ISOC1: variants seen among roughly 807,000 people sequenced by gnomAD.
The protein encoded by ISOC1 is isochorismatase domain-containing protein 1.
A neutral mutation model predicts 30.0 loss-of-function variants in ISOC1; 33 were observed. The observed-to-expected ratio is 1.10, with a 90% confidence interval of 0.83 to 1.47. ISOC1 has a LOEUF of 1.47. Ranked by LOEUF, ISOC1 falls within the 40% of genes most tolerant of loss-of-function variation. The pLI is 0.00. For synonymous variants in ISOC1, 178 were observed against 159.8 expected (o/e 1.11, Z -0.86); for missense variants, 372 against 388.0 (o/e 0.96, Z 0.35).
rs1290296999 is a variant in ISOC1, at chr5:129,113,204, C to T, written c.*203C>T. 1.4e-5 allele frequency: 6 copies of T among 440,558 alleles called. No individual in the cohort carries two copies. The highest frequency in any genetic ancestry group is 1.2e-4 in the Admixed American group (3 of 25,488). 27.3% of individuals were successfully genotyped at this position (440,558 alleles called of 1,614,324 possible). ...TTACAAACGTCAAAGGCTTCCGGTG[C>T]TGCTTACCTTCCTTTTTTGTTAATG... is the stretch of plus-strand genomic sequence containing the variant. On this transcript the variant is annotated 3_prime_UTR_variant, in exon 5 of 5. Transcript: ENST00000173527.
Position 129,102,286 on chromosome 5 carries a change from A to G in ISOC1, c.310-2670A>G, listed in dbSNP as rs77763603. Among the ~76,000 whole-genome samples the G allele has an allele frequency of 2.2e-3, 335 of 152,344 alleles. 7 individuals are homozygous for G. The East Asian group carries it at 0.053, about 24-fold the overall frequency. On this transcript the variant is annotated intron_variant, in intron 1 of 4. Transcript: ENST00000173527. ...GTAACCTGTACTCTGCTTTAAAAAC[A>G]TGCCTTGCCACTGTATTCTCTATGG...
At chr5:129,099,627 T>C (rs1753546962) in intron 1 of ISOC1, among the ~76,000 whole-genome samples, 1 of 152,258 alleles carries the variant, frequency 6.6e-6, no homozygotes. Flanking sequence ...CTGCATATTA[T>C]GTTAACATAA....
At chr5:129,106,213 C>T (rs988679674) in intron 3 of ISOC1, among the ~76,000 whole-genome samples, 1 of 152,086 alleles carries the variant, frequency 6.6e-6, no homozygotes, top group Non-Finnish European at 1.5e-5. Context: ...AGTGGTCCTT[C>T]AATGCTAATT....
chr5:129,107,520 A>AT (rs1385180168), intron 4 of ISOC1, among the ~76,000 whole-genome samples: 4 of 152,354 alleles, frequency 2.6e-5, no homozygotes, highest in Admixed American at 2.0e-4. Context: ...GCAATAAAAA[A>AT]TAACATCACA....
chr5:129,113,003 A>T lies in ISOC1; in HGVS notation c.*2A>T, dbSNP rs1217127060. The T allele has an allele frequency of 6.2e-7, 1 of 1,610,370 alleles. No individual in the cohort carries two copies. On this transcript the variant is annotated 3_prime_UTR_variant, in exon 5 of 5. Transcript: ENST00000173527. ...TCGGGTCTGCTTTCCAAAGTATAGG[A>T]CATTTGAAGAACTGGTATGCTACTC...
At position 129,094,952 on chromosome 5, in the gene ISOC1, C is replaced by G; in HGVS notation, c.186C>G (p.Ile62Met). 2 of 1,612,142 alleles carry G rather than the reference C, an allele frequency of 1.2e-6. No homozygotes were observed. Among genetic ancestry groups the G allele is most frequent in the Non-Finnish European group, 1.7e-6 (2 of 1,179,836 alleles). The change falls in exon 1 of 5, where the codon ATC becomes ATG. Residue 62 changes from isoleucine (I) to methionine (M), a missense_variant. Transcript: ENST00000173527. ...TCCTCAGCCTGTACGGCGACCAGAT[C>G]GACATGCACCGCAAATTCGTGGTGC... ...QKFLSLYGDQ[I>M]DMHRKFVVQL...
In ISOC1 at chr5:129,113,144, T is replaced by G. The variant is rs1453839202; in HGVS notation, c.*143T>G. 1.5e-6 allele frequency: 1 copy of G among 667,026 alleles called. No individual in the cohort carries two copies. The highest frequency in any genetic ancestry group is 2.8e-5 in the East Asian group (1 of 35,178). The allele number at this position is 667,026 out of a possible 1,614,324, so 41.3% of individuals were successfully genotyped here. ...CCTTTTTTGCGCCTCCTAGTGAAAC[T>G]TAACCAGCTAGACCATTTGAGTACC... is the stretch of plus-strand genomic sequence containing the variant. On this transcript the variant is annotated 3_prime_UTR_variant, in exon 5 of 5. Coordinates refer to ENST00000173527, the MANE Select transcript of ISOC1 (RefSeq NM_016048.2).
chr5:129,104,852 C>A (rs1019661148), intron 1 of ISOC1, 104 bp from the exon 2 acceptor site: 1 of 1,099,816 alleles, frequency 9.1e-7, no homozygotes, highest in Middle Eastern at 2.1e-4. Flanking sequence ...AATTGACTTA[C>A]TGGCTCAAAC....
intron 1 of ISOC1, among the ~76,000 whole-genome samples, chr5:129,101,073 C>T (rs1464534720): frequency 2.1e-5 from 3 of 141,734 alleles, no homozygotes; most frequent in African/African-American, 8.0e-5. Flanking sequence ...CTCTGTTGCC[C>T]AGGCTGGACT....
At chr5:129,112,802 T>A in intron 4 of ISOC1, 53 bp from the exon 5 acceptor site, 7 of 1,578,052 alleles carry the variant, frequency 4.4e-6, no homozygotes, top group Non-Finnish European at 6.0e-6. Flanking sequence ...TCTTCTGAAA[T>A]AGTGTTCATT....
rs764667783 is a variant in ISOC1, at chr5:129,105,170, G to T, written c.430-15G>T. The T allele has an allele frequency of 2.5e-6, 4 of 1,612,848 alleles. No homozygotes were observed. Among genetic ancestry groups the T allele is most frequent in the Non-Finnish European group, 3.4e-6 (4 of 1,179,530 alleles). ...ATATAGCTAATTGTTTTTGTGTTTG[G>T]TTATTTTTTTTCAGTTGCAAGGGGC... On this transcript the variant is annotated splice_polypyrimidine_tract_variant and intron_variant, in intron 2 of 4. Coordinates refer to ENST00000173527, the MANE Select transcript of ISOC1 (RefSeq NM_016048.2).
At chr5:129,096,182 C>T (rs1457318237) in intron 1 of ISOC1, among the ~76,000 whole-genome samples, 4 of 152,132 alleles carry the variant, frequency 2.6e-5, no homozygotes, top group East Asian at 1.9e-4. Context: ...TTACCTGAAA[C>T]ATTTATCATT....
intron 1 of ISOC1, among the ~76,000 whole-genome samples, chr5:129,100,200 C>T (rs538549406): frequency 2.6e-5 from 4 of 152,106 alleles, no homozygotes; most frequent in Non-Finnish European, 4.4e-5. Flanking sequence ...TTTTAAACAT[C>T]GCATTTACAG....
intron 1 of ISOC1, among the ~76,000 whole-genome samples, chr5:129,096,859 G>A (rs112440035): frequency 2.6e-5 from 4 of 152,148 alleles, no homozygotes; most frequent in African/African-American, 9.7e-5. Flanking sequence ...CCCCAGCTCT[G>A]TAAGAGTCCC....
chr5:129,095,817 A>G (rs1247275672), intron 1 of ISOC1, among the ~76,000 whole-genome samples: 1 of 152,196 alleles, frequency 6.6e-6, no homozygotes, highest in Non-Finnish European at 1.5e-5. Context: ...ACTTAACAGC[A>G]TTTATTTTAA....
intron 1 of ISOC1, among the ~76,000 whole-genome samples, chr5:129,103,614 G>A (rs1753596972): frequency 6.6e-6 from 1 of 152,134 alleles, no homozygotes; most frequent in African/African-American, 2.4e-5. Context: ...AATTAGAACA[G>A]TTATATCATT....
chr5:129,103,443 A>C (rs931766864), intron 1 of ISOC1, among the ~76,000 whole-genome samples: 1 of 152,182 alleles, frequency 6.6e-6, no homozygotes, highest in African/African-American at 2.4e-5. Context: ...GGAAAACCCT[A>C]TACATAGAGT....
chr5:129,094,929 C>G lies in ISOC1; in HGVS notation c.163C>G (p.Leu55Val). ...CTACGAGCTGCTCATCCAGAAGTTCCTCAGCCTGTACGGCGACCAGATCGA... is the reference window on the plus strand; with the variant it reads ...CTACGAGCTGCTCATCCAGAAGTTCGTCAGCCTGTACGGCGACCAGATCGA... ...AGYELLIQKF[L>V]SLYGDQIDMH... Residue 55 changes from leucine to valine, a missense_variant, in exon 1 of 5, where the codon CTC becomes GTC. By Grantham distance (32) the Leu-to-Val change is conservative. Coordinates refer to ENST00000173527, the MANE Select transcript of ISOC1 (RefSeq NM_016048.2). The G allele has an allele frequency of 6.2e-7, 1 of 1,612,386 alleles. No homozygotes were observed. Among genetic ancestry groups the G allele is most frequent in the Middle Eastern group, 1.7e-4 (1 of 6,056 alleles).
At chr5:129,096,325 A>G (rs967130707) in intron 1 of ISOC1, among the ~76,000 whole-genome samples, 7 of 152,198 alleles carry the variant, frequency 4.6e-5, no homozygotes, top group African/African-American at 1.7e-4. Flanking sequence ...GTACCCATTA[A>G]CAGTGCCATT....
Sources: gnomAD v4.1 joint callset for allele counts (sites outside exome capture counted in the v4.1 genomes callset) on GRCh38, gnomAD v4.1.1 for gene constraint, MANE v1.5 for transcripts, NCBI Gene and HGNC (gene_info 2026-07-23, HGNC 2026-07-21) for gene names.